PCDH15: variants seen among roughly 807,000 people sequenced by gnomAD.
PCDH15 encodes protocadherin-15.
In PCDH15, 129 loss-of-function variants were observed where a neutral mutation model predicts 178.5. The ratio of observed to expected loss-of-function variants is 0.72; its 90% confidence interval spans 0.63 to 0.84. The LOEUF (loss-of-function observed/expected upper bound fraction) is 0.84. Among genes scored for constraint, PCDH15 ranks in the 40% least tolerant of loss-of-function variants. PCDH15 has a pLI of 0.00. For missense variants in PCDH15, 2,230 were observed against 2,099.9 expected, an observed-to-expected ratio of 1.06 and a Z score of -1.21; for synonymous variants, 800 against 732.0, an observed-to-expected ratio of 1.09 and a Z score of -1.50.
At chr10:53,890,642 A>G (rs1198430818) in intron 26 of PCDH15, among the ~76,000 whole-genome samples, 3 of 152,214 alleles carry the variant, frequency 2.0e-5, no homozygotes, top group African/African-American at 7.2e-5. Context: ...TTATCTTTAT[A>G]AAAACTAGTG....
chr10:55,017,796 A>G (rs11004676), intron 2 of PCDH15, among the ~76,000 whole-genome samples: 69,650 of 151,816 alleles, frequency 0.46, 17,854 homozygotes, highest in East Asian at 0.75. Context: ...GTATACCTCC[A>G]AAGGCCTATT....
chr10:54,111,812 T>C (rs2095028288), intron 15 of PCDH15, among the ~76,000 whole-genome samples: 1 of 151,918 alleles, frequency 6.6e-6, no homozygotes, highest in Non-Finnish European at 1.5e-5. Context: ...CCCTAGTGAT[T>C]GCCTATAAAA....
chr10:55,002,832 A>G (rs1443010364), intron 2 of PCDH15, among the ~76,000 whole-genome samples: 2 of 152,224 alleles, frequency 1.3e-5, no homozygotes, highest in Admixed American at 6.5e-5. Flanking sequence ...TAGCAAAAGT[A>G]CACTGATGCA....
At chr10:54,761,288 A>G (rs1220968905) in intron 1 of PCDH15, among the ~76,000 whole-genome samples, 4 of 152,142 alleles carry the variant, frequency 2.6e-5, no homozygotes, top group African/African-American at 7.2e-5. Flanking sequence ...GGTCATGTTT[A>G]TGACCTACTA....
intron 1 of PCDH15, among the ~76,000 whole-genome samples, chr10:54,747,950 C>T (rs949732014): frequency 2.2e-4 from 33 of 152,014 alleles, no homozygotes; most frequent in Non-Finnish European, 3.7e-4. Flanking sequence ...GGACTACAGG[C>T]GCCCGCCACC....
rs117058478 is a variant in PCDH15 at position 55,001,990 on chromosome 10, T to C, written c.-79-104490A>G. 1.4e-3 allele frequency among the ~76,000 whole-genome samples: 220 copies of C among 152,324 alleles called. 5 individuals are homozygous for C. The East Asian group carries it at 0.038, about 26-fold the overall frequency. ...AATTTTTTTGAACCCAAGATGTTTA[T>C]CACTGATGGGCCTTCATGTGTCTTC... On this transcript the variant is annotated intron_variant, in intron 2 of 5. Transcript: ENST00000458638.
chr10:55,479,603 A>T (rs1451206797), intron 2 of PCDH15, among the ~76,000 whole-genome samples: 2 of 151,622 alleles, frequency 1.3e-5, no homozygotes, highest in East Asian at 1.9e-4. Flanking sequence ...TGAAATCTAG[A>T]CTAAGCCAAT....
At chr10:54,220,589 G>A (rs1355716201) in intron 9 of PCDH15, among the ~76,000 whole-genome samples, 1 of 152,118 alleles carries the variant, frequency 6.6e-6, no homozygotes, top group Non-Finnish European at 1.5e-5. Flanking sequence ...ACTTTGGGAG[G>A]CCGAGACGGG....
At chr10:55,314,833 T>G (rs1001083371) in intron 1 of PCDH15, among the ~76,000 whole-genome samples, 1 of 152,200 alleles carries the variant, frequency 6.6e-6, no homozygotes, top group Non-Finnish European at 1.5e-5. Flanking sequence ...TGTTAAAATA[T>G]ACACTTCTTG....
At chr10:54,694,605 T>TTTA (rs535870732) in intron 1 of PCDH15, among the ~76,000 whole-genome samples, 1 of 151,950 alleles carries the variant, frequency 6.6e-6, no homozygotes, top group South Asian at 2.1e-4. Context: ...TATTTCAAAC[T>TTTA]TTATTATTAT....
Position 54,599,271 on chromosome 10 carries a change from A to G in PCDH15, c.91+64901T>C, listed in dbSNP as rs553097065. Among the ~76,000 whole-genome samples, 19 of 152,306 alleles carry G rather than the reference A, an allele frequency of 1.2e-4. No individual in the cohort carries two copies. In the East Asian group the frequency reaches 3.7e-3, roughly 29 times the overall value. On this transcript the variant is annotated intron_variant, in intron 2 of 37. Transcript: ENST00000644397. The stretch of plus-strand genomic sequence containing the variant: ...ACTTCAAACTATCCTACAGGGCTAC[A>G]GTAACCAAAACAACATGGTATTGGT...
intron 18 of PCDH15, among the ~76,000 whole-genome samples, chr10:54,052,933 C>T (rs190308432): frequency 5.4e-3 from 821 of 152,274 alleles, no homozygotes; most frequent in Non-Finnish European, 7.9e-3. Flanking sequence ...TTCCCCGCTT[C>T]GCTCTGAACC....
rs1218411712 is a variant in PCDH15 at position 54,307,028 on chromosome 10, A to ATG, written c.876+10241_876+10242dup. 3.6e-4 allele frequency among the ~76,000 whole-genome samples: 11 copies of ATG among 30,724 alleles called. 1 individual carries two copies. The highest frequency in any genetic ancestry group is 1.2e-3 in the South Asian group (1 of 826). 20.2% of individuals were successfully genotyped at this position (30,724 alleles called of 152,430 possible). A position where few individuals can be genotyped will look rare whatever the true frequency, so the allele number is the denominator to read the frequency against. On this transcript the variant is annotated intron_variant, in intron 8 of 37. Transcript: ENST00000644397. ...TATATATATATACATATATATATATATGTGTGTGTGTGTATATATATATAT... is the reference window on the plus strand; with the variant it reads ...TATATATATATACATATATATATATATGTGTGTGTGTGTGTATATATATATAT...
In PCDH15 at chr10:53,825,082, C is replaced by T. The variant is rs796532340; in HGVS notation, c.4367+2311G>A. The T allele has an allele frequency of 3.3e-6, 5 of 1,507,356 alleles. No individual in the cohort carries two copies. The African/African-American group carries it at 4.2e-5, about 13-fold the overall frequency. The allele number at this position is 1,507,356 out of a possible 1,614,324, so 93.4% of individuals were successfully genotyped here. On this transcript the variant is annotated intron_variant, in intron 32 of 37. Transcript: ENST00000644397. ...CAGTACAACAGCATTTTAATCTGTT[C>T]TATTGTATCTATTTTTCTAACGCTC... is the stretch of plus-strand genomic sequence containing the variant.
At chr10:53,842,850 G>A (rs1050720091) in intron 28 of PCDH15, among the ~76,000 whole-genome samples, 1 of 152,116 alleles carries the variant, frequency 6.6e-6, no homozygotes, top group African/African-American at 2.4e-5. Flanking sequence ...ATGGCTCTCT[G>A]TCCCAATACT....
intron 2 of PCDH15, among the ~76,000 whole-genome samples, chr10:55,058,936 C>T (rs1841368358): frequency 6.6e-6 from 1 of 152,130 alleles, no homozygotes; most frequent in African/African-American, 2.4e-5. Context: ...GAGAACATTT[C>T]AGTTGACAGC....
chr10:55,225,617 G>T (rs1377193316), intron 1 of PCDH15, among the ~76,000 whole-genome samples: 1 of 150,372 alleles, frequency 6.7e-6, no homozygotes, highest in African/African-American at 2.4e-5. Flanking sequence ...ATGTGTGTGT[G>T]TGTATGTGTG....
chr10:54,494,899 G>A (rs375230217), intron 3 of PCDH15, among the ~76,000 whole-genome samples: 1 of 151,998 alleles, frequency 6.6e-6, no homozygotes, highest in Non-Finnish European at 1.5e-5. Context: ...AATTCTGGAG[G>A]CCCTACTTTA....
rs115614240 is a variant in PCDH15, at chr10:54,550,775, T to C, written c.92-22898A>G. ...TATTGCTATTATAATCTTTTAATGCTAGGTGAATCCACATCAAGCATTCAA... is the reference window on the plus strand; with the variant it reads ...TATTGCTATTATAATCTTTTAATGCCAGGTGAATCCACATCAAGCATTCAA... On this transcript the variant is annotated intron_variant, in intron 2 of 37. Coordinates refer to ENST00000644397, the MANE Select transcript of PCDH15 (RefSeq NM_001384140.1). Among the ~76,000 whole-genome samples, 392 of 152,302 alleles carry C rather than the reference T, an allele frequency of 2.6e-3. 1 individual carries two copies. Among genetic ancestry groups the C allele is most frequent in the African/African-American group, 8.7e-3 (361 of 41,568 alleles).
Sources: gnomAD v4.1 joint callset for allele counts (sites outside exome capture counted in the v4.1 genomes callset) on GRCh38, gnomAD v4.1.1 for gene constraint, MANE v1.5 for transcripts, NCBI Gene and HGNC (gene_info 2026-07-23, HGNC 2026-07-21) for gene names.